The following PEX1 variants were observed in gnomAD, a reference collection of about 807,000 sequenced individuals.
The protein encoded by PEX1 is peroxisomal biogenesis factor 1, also known as peroxisomal ATPase PEX1.
PEX1 carries 97 observed loss-of-function variants against 152.5 expected under a neutral mutation model. The ratio of observed to expected loss-of-function variants is 0.64; its 90% CI spans 0.54 to 0.75. PEX1 has a LOEUF of 0.75. PEX1 is among the 30% of genes least tolerant of loss of function. PEX1 has a pLI of 0.00. For synonymous variants in PEX1, 485 were observed against 531.6 expected, an observed-to-expected ratio of 0.91 and a Z score of 1.21; for missense variants, 1,357 against 1,516.3, an observed-to-expected ratio of 0.89 and a Z score of 1.74.
chr7:92,502,541 C>A (rs1296896542), intron 13 of PEX1, among the ~76,000 whole-genome samples: 1 of 151,950 alleles, frequency 6.6e-6, no homozygotes, highest in African/African-American at 2.4e-5. Context: ...TTCTATTATC[C>A]TTAATAATAG....
intron 21 of PEX1, 26 bp from the exon 22 acceptor site, chr7:92,489,937 A>AG: frequency 6.3e-7 from 1 of 1,579,462 alleles, no homozygotes. Flanking sequence ...TAGTAATGAA[A>AG]GATGGAAGGA....
Position 92,506,250 on chromosome 7 carries a change from C to T in PEX1, c.1898G>A (p.Arg633Gln), listed in dbSNP as rs921223589. 5.8e-6 allele frequency: 9 copies of T among 1,552,564 alleles called. No individual in the cohort carries two copies. Among genetic ancestry groups the T allele is most frequent in the African/African-American group, 5.4e-5 (4 of 73,610 alleles). ...HVERVDCKAL[R>Q]GKRLENIQKT... ...ATAGAGTGTTACCATACTCATACCT[C>T]GTAAAGCTTTACAGTCAACTCTCTC... The change falls in exon 11 of 24, where the codon CGA becomes CAA. Residue 633 changes from arginine to glutamine, a missense_variant and splice_region_variant. Physicochemically the swap from Arg to Gln is conservative, Grantham distance 43 (BLOSUM62 1). Transcript: ENST00000248633.
Position 92,503,072 on chromosome 7 carries a change from T to G in PEX1, c.2195A>C (p.Gln732Pro), listed in dbSNP as rs147069266. The G allele has an allele frequency of 6.2e-7, 1 of 1,613,704 alleles. No individual in the cohort carries two copies. The highest frequency in any genetic ancestry group is 1.7e-5 in the Admixed American group (1 of 60,002). The change falls in exon 13 of 24, where the codon CAG becomes CCG. Residue 732 changes from glutamine (Q) to proline (P), a missense_variant. Gln to Pro is a moderately conservative substitution (Grantham distance 76). Coordinates refer to ENST00000248633, the MANE Select transcript of PEX1 (RefSeq NM_000466.3). ...LVSAQGVHIF[Q>P]CVQHIQPPNQ... ...AGGAGGCTGAATGTGTTGGACGCAC[T>G]GAAATATGTGAACTCCTTGAGCAGA...
intron 2 of PEX1, among the ~76,000 whole-genome samples, chr7:92,520,095 A>G (rs1050280886): frequency 6.6e-6 from 1 of 151,962 alleles, no homozygotes. Context: ...GCAATAAGGG[A>G]TCTAAAAAAA....
At chr7:92,507,245 C>CT (rs79143453) in intron 9 of PEX1, 119 bp from the exon 10 acceptor site, 21,863 of 654,230 alleles carry the variant, frequency 0.033, no homozygotes, top group Middle Eastern at 0.051. Context: ...AATTTTTTAT[C>CT]TTTTTTTTTT....
chr7:92,491,770 A>C (rs1791341055), intron 20 of PEX1, among the ~76,000 whole-genome samples: 1 of 152,184 alleles, frequency 6.6e-6, no homozygotes, highest in Admixed American at 6.5e-5. Flanking sequence ...TCTGGGCTTT[A>C]TTTTTATGTC....
intron 20 of PEX1, chr7:92,491,729 G>A: frequency 2.0e-6 from 1 of 488,498 alleles, no homozygotes; most frequent in Non-Finnish European, 3.7e-6. Flanking sequence ...CATCCCCCAA[G>A]AAAGTCTGTA....
intron 10 of PEX1, chr7:92,506,606 T>A: frequency 1.9e-6 from 1 of 522,676 alleles, no homozygotes; most frequent in Non-Finnish European, 3.4e-6. Context: ...AACAGAACAT[T>A]AGCAGATAAA....
Position 92,489,848 on chromosome 7 carries a change from C to G in PEX1, c.3502G>C (p.Asp1168His). The change falls in exon 22 of 24, where the codon GAC becomes CAC. Residue 1168 changes from aspartate (D) to histidine (H), a missense_variant. Transcript: ENST00000248633. ...ACTGGAGGCTGTGAAAACAACTGGT[C>G]TTTCCCAGGAACTCCAGGCAAATCC... The part of the protein sequence containing the change: ...TQDLPGVPGK[D>H]QLFSQPPVLR... The G allele has an allele frequency of 6.2e-7, 1 of 1,614,052 alleles. No homozygotes were observed. The highest frequency in any genetic ancestry group is 2.2e-5 in the East Asian group (1 of 44,880).
Position 92,528,442 on chromosome 7 carries a change from G to A in PEX1, c.-7C>T, listed in dbSNP as rs369786032. ...GGCGATCGCTGCCCCACATCGTCCCGGAGCGTCGCTCTGGGTTCGCCCACC... is the reference window on the plus strand; with the variant it reads ...GGCGATCGCTGCCCCACATCGTCCCAGAGCGTCGCTCTGGGTTCGCCCACC... On this transcript the variant is annotated 5_prime_UTR_variant, in exon 1 of 24. Transcript: ENST00000248633. The A allele has an allele frequency of 1.1e-5, 17 of 1,580,188 alleles. No individual in the cohort carries two copies. The South Asian group carries it at 1.4e-4, about 13-fold the overall frequency.
At chr7:92,520,532 A>T (rs1793004017) in intron 2 of PEX1, among the ~76,000 whole-genome samples, 1 of 152,228 alleles carries the variant, frequency 6.6e-6, no homozygotes. Flanking sequence ...CCCCATCTAT[A>T]TAAGTTTTAA....
chr7:92,516,055 A>AGAGAAAAAAGAAAAAAGAAAAG (rs1321793051), intron 5 of PEX1, among the ~76,000 whole-genome samples: 3 of 85,746 alleles, frequency 3.5e-5, no homozygotes, highest in African/African-American at 1.3e-4. Context: ...AGAGAAGAGA[A>AGAGAAAAAAGAAAAAAGAAAAG]AAAAGAAAAG....
At chr7:92,488,834 A>G (rs978164428) in intron 23 of PEX1, among the ~76,000 whole-genome samples, 1 of 151,966 alleles carries the variant, frequency 6.6e-6, no homozygotes, top group Non-Finnish European at 1.5e-5. Flanking sequence ...CCTGGGTTCA[A>G]GCAATTCTCC....
chr7:92,525,266 T>C (rs1793214850), intron 1 of PEX1, among the ~76,000 whole-genome samples: 1 of 152,232 alleles, frequency 6.6e-6, no homozygotes, highest in African/African-American at 2.4e-5. Flanking sequence ...TGACCTTCTT[T>C]GACCCAAACT....
intron 19 of PEX1, chr7:92,494,047 T>C (rs1189760530): frequency 2.2e-6 from 1 of 465,102 alleles, no homozygotes. Context: ...ATTAGGTTTC[T>C]TGCATTTTTT....
At chr7:92,528,042 AT>A (rs1318096096) in intron 1 of PEX1, among the ~76,000 whole-genome samples, 6 of 152,272 alleles carry the variant, frequency 3.9e-5, no homozygotes, top group Non-Finnish European at 8.8e-5. Context: ...AATAAGGAAT[AT>A]TTATAAAAAC....
At chr7:92,523,504 A>T (rs1382360513) in intron 1 of PEX1, among the ~76,000 whole-genome samples, 9 of 151,714 alleles carry the variant, frequency 5.9e-5, no homozygotes, top group Admixed American at 2.0e-4. Context: ...TTTTCTATAG[A>T]GATGGGATCT....
intron 6 of PEX1, among the ~76,000 whole-genome samples, chr7:92,513,561 G>A (rs773157837): frequency 1.3e-5 from 2 of 152,104 alleles, no homozygotes; most frequent in Non-Finnish European, 1.5e-5. Flanking sequence ...AGGAGTGGAC[G>A]GGGAATTATT....
In PEX1 at chr7:92,501,894, T is replaced by G; in HGVS notation, c.2412A>C (p.Arg804Ser). 6.2e-7 allele frequency: 1 copy of G among 1,612,792 alleles called. No homozygotes were observed. The highest frequency in any genetic ancestry group is 1.1e-5 in the South Asian group (1 of 91,004). ...SRLSRQSISTREKLVLTTLDF... is the reference protein window; with the variant it reads ...SRLSRQSISTSEKLVLTTLDF... ...GGTTTTAATAGTAAAACATACTTTC[T>G]CTGGTGGATATACTCTGACGAGAGA... Residue 804 changes from arginine (R) to serine (S), a missense_variant, in exon 14 of 24, where the codon AGA (arginine) becomes AGC (serine). By Grantham distance (110) the Arg-to-Ser change is moderately radical. Transcript: ENST00000248633.
Sources: allele counts gnomAD v4.1 joint callset (sites outside exome capture counted in the v4.1 genomes callset), GRCh38; gene constraint gnomAD v4.1.1; transcripts MANE v1.5; gene names NCBI Gene and HGNC (gene_info 2026-07-23, HGNC 2026-07-21).